Variants in EPB41L4A observed in about 807,000 individuals in gnomAD.
EPB41L4A encodes erythrocyte membrane protein band 4.1 like 4A, also known as band 4.1-like protein 4A.
A neutral mutation model predicts 108.6 loss-of-function variants in EPB41L4A; 100 were observed. That is an observed-to-expected ratio of 0.92 (90% confidence interval 0.78 to 1.09). The LOEUF (loss-of-function observed/expected upper bound fraction) is 1.09, where lower values mean the gene tolerates loss of function less well. Ranked by LOEUF, EPB41L4A falls within the 50% of genes least tolerant of loss-of-function variation. EPB41L4A has a pLI of 0.00. For missense variants in EPB41L4A, 1,030 were observed against 842.7 expected (o/e 1.22, Z -2.75); for synonymous variants, 319 against 289.0 (o/e 1.10, Z -1.05).
At chr5:112,323,928 C>T (rs1157003974) in intron 1 of EPB41L4A, among the ~76,000 whole-genome samples, 1 of 152,206 alleles carries the variant, frequency 6.6e-6, no homozygotes, top group Non-Finnish European at 1.5e-5. Flanking sequence ...TAAACATTGA[C>T]TCCTGAGAGA....
intron 2 of EPB41L4A, among the ~76,000 whole-genome samples, chr5:112,281,672 G>A (rs751765931): frequency 2.0e-5 from 3 of 152,374 alleles, no homozygotes; most frequent in Admixed American, 6.5e-5. Context: ...ATGCGCTGGC[G>A]CAGTTCCCCA....
At chr5:112,360,444 T>C (rs1168085276) in intron 1 of EPB41L4A, among the ~76,000 whole-genome samples, 1 of 152,164 alleles carries the variant, frequency 6.6e-6, no homozygotes, top group African/African-American at 2.4e-5. Context: ...TGACTGGTTT[T>C]TGTATTTTTT....
intron 12 of EPB41L4A, among the ~76,000 whole-genome samples, chr5:112,214,705 G>A (rs1021823542): frequency 1.2e-4 from 18 of 152,048 alleles, no homozygotes; most frequent in African/African-American, 4.3e-4. Context: ...GGCGGAGCTT[G>A]CAGTGAGTGG....
chr5:112,378,096 T>C (rs1205988744), intron 1 of EPB41L4A, among the ~76,000 whole-genome samples: 1 of 152,234 alleles, frequency 6.6e-6, no homozygotes, highest in African/African-American at 2.4e-5. Flanking sequence ...TGTTTCCATC[T>C]GCACGGAGAA....
intron 12 of EPB41L4A, among the ~76,000 whole-genome samples, chr5:112,219,933 T>G (rs1747930344): frequency 6.6e-6 from 1 of 152,172 alleles, no homozygotes; most frequent in African/African-American, 2.4e-5. Flanking sequence ...TGACCTCAAG[T>G]GATCCACCCA....
At chr5:112,411,395 C>T (rs900363059) in intron 1 of EPB41L4A, among the ~76,000 whole-genome samples, 2 of 152,122 alleles carry the variant, frequency 1.3e-5, no homozygotes, top group Non-Finnish European at 2.9e-5. Flanking sequence ...ACCACTCATA[C>T]CCCTCGGAGA....
chr5:112,160,863 T>A (rs1279021355), downstream of EPB41L4A: 1 of 156,210 alleles, frequency 6.4e-6, no homozygotes, highest in Non-Finnish European at 1.5e-5. Flanking sequence ...CGGAAGCCTG[T>A]CCTTTCTTCC....
At chr5:112,415,836 CG>C (rs1428893590) in intron 1 of EPB41L4A, among the ~76,000 whole-genome samples, 1 of 152,012 alleles carries the variant, frequency 6.6e-6, no homozygotes, top group Non-Finnish European at 1.5e-5. Flanking sequence ...TTTTAAATCT[CG>C]GATAAGGTTC....
intron 11 of EPB41L4A, among the ~76,000 whole-genome samples, chr5:112,235,460 G>C (rs1369767010): frequency 2.0e-5 from 3 of 152,280 alleles, no homozygotes; most frequent in Admixed American, 1.3e-4. Flanking sequence ...TTGAGCAACT[G>C]AATGACCCTG....
chr5:112,315,837 TTGATA>T (rs2150604925), intron 1 of EPB41L4A, among the ~76,000 whole-genome samples: 1 of 152,174 alleles, frequency 6.6e-6, no homozygotes, highest in Admixed American at 6.5e-5. Context: ...TAAAGAAGAC[TTGATA>T]TGAGACAGTT....
At chr5:112,246,579 C>A (rs1750242720) in intron 9 of EPB41L4A, among the ~76,000 whole-genome samples, 1 of 152,114 alleles carries the variant, frequency 6.6e-6, no homozygotes, top group Non-Finnish European at 1.5e-5. Flanking sequence ...ACATGCCTCC[C>A]CCATATTTTT....
At chr5:112,297,967 T>C (rs891077858) in intron 2 of EPB41L4A, among the ~76,000 whole-genome samples, 7 of 152,186 alleles carry the variant, frequency 4.6e-5, no homozygotes, top group Admixed American at 6.5e-5. Flanking sequence ...GGGCTCTCTA[T>C]TCTATTCCAT....
intron 1 of EPB41L4A, among the ~76,000 whole-genome samples, chr5:112,347,478 TC>T (rs1287377981): frequency 1.3e-5 from 2 of 152,092 alleles, no homozygotes; most frequent in Non-Finnish European, 2.9e-5. Flanking sequence ...GTTTTTTCAC[TC>T]CCCCACAATT....
intron 9 of EPB41L4A, among the ~76,000 whole-genome samples, chr5:112,252,409 T>C (rs1170695137): frequency 2.6e-5 from 4 of 152,058 alleles, no homozygotes; most frequent in African/African-American, 7.2e-5. Flanking sequence ...CTCGGAAGAA[T>C]GGCTAACACT....
chr5:112,253,972 C>G (rs539162373), intron 9 of EPB41L4A, among the ~76,000 whole-genome samples: 1 of 152,132 alleles, frequency 6.6e-6, no homozygotes, highest in Non-Finnish European at 1.5e-5. Context: ...CATCGCTTCC[C>G]GTGTACTCTC....
At chr5:112,274,972 T>C (rs1183972827) in intron 4 of EPB41L4A, among the ~76,000 whole-genome samples, 1 of 152,250 alleles carries the variant, frequency 6.6e-6, no homozygotes, top group Non-Finnish European at 1.5e-5. Flanking sequence ...AATGTATATT[T>C]AGAAGTACAA....
At chr5:112,221,576 T>C (rs373337952) in intron 12 of EPB41L4A, among the ~76,000 whole-genome samples, 44 of 152,342 alleles carry the variant, frequency 2.9e-4, no homozygotes, top group African/African-American at 9.1e-4. Context: ...GCACTGTGTT[T>C]GGAATTTAGT....
chr5:112,209,653 A>G (rs1224106900), intron 13 of EPB41L4A, among the ~76,000 whole-genome samples: 2 of 152,236 alleles, frequency 1.3e-5, no homozygotes, highest in East Asian at 1.9e-4. Context: ...GACCACAGAC[A>G]ATCTGTGAGT....
intron 9 of EPB41L4A, among the ~76,000 whole-genome samples, chr5:112,254,789 G>A (rs1481901140): frequency 2.0e-5 from 3 of 151,116 alleles, no homozygotes; most frequent in Admixed American, 6.6e-5. Flanking sequence ...ATACCCCCTC[G>A]CCTGTCTCTT....
Sources: gnomAD v4.1 joint callset for allele counts (sites outside exome capture counted in the v4.1 genomes callset) on GRCh38, gnomAD v4.1.1 for gene constraint, MANE v1.5 for transcripts, NCBI Gene and HGNC (gene_info 2026-07-23, HGNC 2026-07-21) for gene names.